PFKP: variants seen among roughly 807,000 people sequenced by gnomAD.
PFKP encodes phosphofructokinase, platelet, also known as ATP-dependent 6-phosphofructokinase, platelet type.
In PFKP, 101 loss-of-function variants were observed where a neutral mutation model predicts 94.3. The observed-to-expected ratio is 1.07, with a 90% CI of 0.91 to 1.26. The LOEUF is 1.26. Among genes scored for constraint, PFKP ranks in the 50% most tolerant of loss-of-function variants. The pLI, the probability that PFKP is intolerant of heterozygous loss-of-function variation, is 0.00. For missense variants in PFKP, 1,145 were observed against 1,103.3 expected, an observed-to-expected ratio of 1.04 and a Z score of -0.53; for synonymous variants, 573 against 432.6, an observed-to-expected ratio of 1.32 and a Z score of -4.03.
chr10:3,071,291 T>A lies in PFKP; in HGVS notation c.112+3584T>A, dbSNP rs148130895. Among the ~76,000 whole-genome samples, 405 of 152,286 alleles carry A rather than the reference T, an allele frequency of 2.7e-3. 1 individual carries two copies. Among genetic ancestry groups the A allele is most frequent in the African/African-American group, 9.1e-3 (378 of 41,550 alleles). Reference sequence around the variant, plus strand: ...GAGTGTATATTATTTAATTATAAGATACAATTGAAAATCTCTTTCTCTTTT... The same window carrying A: ...GAGTGTATATTATTTAATTATAAGAAACAATTGAAAATCTCTTTCTCTTTT... On this transcript the variant is annotated intron_variant, in intron 1 of 21. Coordinates refer to ENST00000381125, the MANE Select transcript of PFKP (RefSeq NM_002627.5).
At chr10:3,103,745 C>G in intron 4 of PFKP, 34 bp from the exon 5 acceptor site, 1 of 1,610,718 alleles carries the variant, frequency 6.2e-7, no homozygotes, top group Non-Finnish European at 8.5e-7. Context: ...GCCATGGTTA[C>G]GGCGATGAGA....
intron 16 of PFKP, among the ~76,000 whole-genome samples, chr10:3,128,351 G>A (rs983491791): frequency 6.6e-5 from 10 of 152,228 alleles, no homozygotes; most frequent in African/African-American, 2.4e-4. Context: ...GGCTCCGAGA[G>A]CCCCTGACAG....
At chr10:3,101,270 T>C (rs1052802489) in intron 3 of PFKP, 95 bp from the exon 4 acceptor site, 1 of 1,042,346 alleles carries the variant, frequency 9.6e-7, no homozygotes, top group Admixed American at 2.7e-5. Flanking sequence ...AAAATGTAAA[T>C]TCTAGCACCC....
intron 15 of PFKP, 110 bp downstream of exon 15, chr10:3,118,979 C>T (rs534720963): frequency 1.3e-4 from 96 of 752,894 alleles, no homozygotes; most frequent in Non-Finnish European, 1.4e-4. Flanking sequence ...ATGATAGGTT[C>T]CCAGACCCAG....
At chr10:3,104,348 C>T (rs561414207) in intron 5 of PFKP, among the ~76,000 whole-genome samples, 6 of 152,318 alleles carry the variant, frequency 3.9e-5, no homozygotes, top group South Asian at 2.1e-4. Context: ...GGGGCCACAG[C>T]GTTTGATCCG....
intron 1 of PFKP, among the ~76,000 whole-genome samples, chr10:3,077,044 C>T (rs1230645285): frequency 2.6e-5 from 4 of 151,936 alleles, no homozygotes; most frequent in East Asian, 1.9e-4. Flanking sequence ...AACAAAGCAG[C>T]GGGAGGAGTC....
At chr10:3,109,677 C>T (rs951389699) in intron 10 of PFKP, among the ~76,000 whole-genome samples, 197 bp downstream of exon 10, 6 of 152,206 alleles carry the variant, frequency 3.9e-5, no homozygotes, top group African/African-American at 9.7e-5. Flanking sequence ...GCGCCGTCTT[C>T]GCTCTTTGGT....
In PFKP at chr10:3,136,601, C is replaced by T. The variant is rs369398322; in HGVS notation, c.*22C>T. 1 of 1,612,034 alleles carries T rather than the reference C, an allele frequency of 6.2e-7. No homozygotes were observed. The highest frequency in any genetic ancestry group is 8.5e-7 in the Non-Finnish European group (1 of 1,178,798). ...CTGACCCAGTCCCGCCTGCATGTGC[C>T]TGCAGCCACCGTGGACTGTCTGTTT... is the stretch of plus-strand genomic sequence containing the variant. On this transcript the variant is annotated 3_prime_UTR_variant, in exon 22 of 22. Transcript: ENST00000381125.
At chr10:3,133,903 G>A (rs1838897207) in intron 19 of PFKP, among the ~76,000 whole-genome samples, 1 of 152,182 alleles carries the variant, frequency 6.6e-6, no homozygotes, top group South Asian at 2.1e-4. Context: ...GTTAAAAACT[G>A]GAGCTTCCCT....
intron 16 of PFKP, chr10:3,128,977 GAAGT>G (rs1838258551): frequency 6.6e-6 from 1 of 152,422 alleles, no homozygotes; most frequent in African/African-American, 2.4e-5. Context: ...ATGTGTACTT[GAAGT>G]GAGCAAAGGG....
At chr10:3,116,362 C>T (rs988998117) in intron 13 of PFKP, among the ~76,000 whole-genome samples, 6 of 152,224 alleles carry the variant, frequency 3.9e-5, no homozygotes, top group Admixed American at 2.6e-4. Flanking sequence ...CCTCTTTCTG[C>T]GATTACCTTA....
chr10:3,122,351 G>T (rs7901291), intron 16 of PFKP, among the ~76,000 whole-genome samples: 1 of 152,002 alleles, frequency 6.6e-6, no homozygotes, highest in Non-Finnish European at 1.5e-5. Flanking sequence ...TGTGGCTGCT[G>T]GGGAGCTGGG....
intron 4 of PFKP, among the ~76,000 whole-genome samples, chr10:3,102,677 C>T (rs1344380323): frequency 3.9e-5 from 6 of 152,186 alleles, no homozygotes; most frequent in African/African-American, 1.4e-4. Context: ...GGTCATCCAC[C>T]CGCTTCGGCC....
In PFKP at chr10:3,105,175, G is replaced by A; in HGVS notation, c.665+16G>A. ...GACACTGTGGGTACGTACCTGCGGTGGGTCCGGTGGACGCGGTTCAGGTGG... is the reference window on the plus strand; with the variant it reads ...GACACTGTGGGTACGTACCTGCGGTAGGTCCGGTGGACGCGGTTCAGGTGG... On this transcript the variant is annotated intron_variant, in intron 6 of 21. Coordinates refer to ENST00000381125, the MANE Select transcript of PFKP (RefSeq NM_002627.5). 9.9e-6 allele frequency: 16 copies of A among 1,612,148 alleles called. No individual in the cohort carries two copies. The highest frequency in any genetic ancestry group is 1.4e-5 in the Non-Finnish European group (16 of 1,178,308).
intron 1 of PFKP, among the ~76,000 whole-genome samples, chr10:3,073,773 C>A (rs929446734): frequency 3.9e-5 from 6 of 152,144 alleles, no homozygotes; most frequent in Admixed American, 2.6e-4. Context: ...TCCTTCATAT[C>A]TTTTCAGCTG....
Position 3,116,009 on chromosome 10 carries a change from G to A in PFKP, c.1372-767G>A, listed in dbSNP as rs139387275. 7.9e-3 allele frequency among the ~76,000 whole-genome samples: 1,195 copies of A among 152,208 alleles called. 16 individuals are homozygous for A. Among genetic ancestry groups the A allele is most frequent in the Admixed American group, 0.027 (409 of 15,296 alleles). ...GTCCTGGGTGGATCTTGCTTTCCCC[G>A]TCTTTCTTGTTCAGACTTGTGAAGA... On this transcript the variant is annotated intron_variant, in intron 13 of 21. Transcript: ENST00000381125.
At position 3,119,971 on chromosome 10, in the gene PFKP, C is replaced by T. The variant is rs767924390; in HGVS notation, c.1610C>T (p.Ala537Val). ...TGTGTCCCCATGGTCATGGTTCCCG[C>T]TACTGTGTCCAACAATGTGCCGGGT... The part of the protein sequence containing the change: ...EFCVPMVMVP[A>V]TVSNNVPGSD... The change falls in exon 16 of 22, where the codon GCT (alanine) becomes GTT (valine). Residue 537 changes from alanine (A) to valine (V), a missense_variant. Transcript: ENST00000381125. 9.9e-6 allele frequency: 16 copies of T among 1,614,098 alleles called. No homozygotes were observed. The highest frequency in any genetic ancestry group is 1.4e-5 in the Non-Finnish European group (16 of 1,179,960).
chr10:3,095,266 A>ACGCGCATAGGTGAACTACGCGCATAGGT (rs139046692), intron 2 of PFKP, among the ~76,000 whole-genome samples: 6 of 152,146 alleles, frequency 3.9e-5, no homozygotes, highest in South Asian at 2.1e-4. Context: ...TAGGTGAACT[A>ACGCGCATAGGTGAACTACGCGCATAGGT]GCTTACTCCA....
intron 8 of PFKP, chr10:3,107,641 G>C: frequency 3.5e-6 from 2 of 577,772 alleles, no homozygotes; most frequent in Non-Finnish European, 4.4e-6. Context: ...AATGAGGACT[G>C]ACCACTTGGC....
Sources: allele counts gnomAD v4.1 joint callset (sites outside exome capture counted in the v4.1 genomes callset), GRCh38; gene constraint gnomAD v4.1.1; transcripts MANE v1.5; gene names NCBI Gene and HGNC (gene_info 2026-07-23, HGNC 2026-07-21).